LRRTM4: variants seen among roughly 807,000 people sequenced by gnomAD.
LRRTM4 encodes the protein leucine rich repeat transmembrane neuronal 4, also known as leucine-rich repeat transmembrane neuronal protein 4.
In LRRTM4, 25 loss-of-function variants were observed where a neutral mutation model predicts 47.6. That is an observed-to-expected ratio of 0.53 (90% confidence interval 0.38 to 0.73). The LOEUF is 0.73. LRRTM4 is among the 30% of genes least tolerant of loss of function. The probability of loss-of-function intolerance (pLI) is 0.00; values close to 1 mark genes in which losing one functional copy is unlikely to be tolerated. For missense variants in LRRTM4, 638 were observed against 713.4 expected, an observed-to-expected ratio of 0.89 and a Z score of 1.20; for synonymous variants, 311 against 269.5, an observed-to-expected ratio of 1.15 and a Z score of -1.51.
At chr2:76,806,309 C>T (rs934423048) in intron 3 of LRRTM4, among the ~76,000 whole-genome samples, 6 of 152,096 alleles carry the variant, frequency 3.9e-5, no homozygotes, top group Non-Finnish European at 5.9e-5. Context: ...CCGGCCCGTG[C>T]GGTGGCTCAC....
At position 77,175,172 on chromosome 2, in the gene LRRTM4, C is replaced by T. The variant is rs542201269; in HGVS notation, c.1551+343146G>A. 2.0e-5 allele frequency among the ~76,000 whole-genome samples: 3 copies of T among 151,054 alleles called. No homozygotes were observed. The South Asian group carries it at 6.3e-4, about 32-fold the overall frequency. Reference sequence around the variant, plus strand: ...GCAACCTCCACCTCCTGGGTTCAAGCGATTCTCATGCCTCAGCCTCCAGAA... The same window carrying T: ...GCAACCTCCACCTCCTGGGTTCAAGTGATTCTCATGCCTCAGCCTCCAGAA... On this transcript the variant is annotated intron_variant, in intron 3 of 3. Transcript: ENST00000409884.
At chr2:77,086,737 C>T (rs1031955435) in intron 3 of LRRTM4, among the ~76,000 whole-genome samples, 6 of 152,136 alleles carry the variant, frequency 3.9e-5, no homozygotes, top group South Asian at 2.1e-4. Flanking sequence ...TCAGGTAATC[C>T]GGCTGCCACA....
intron 3 of LRRTM4, among the ~76,000 whole-genome samples, chr2:77,368,340 A>G: frequency 6.6e-6 from 1 of 151,758 alleles, no homozygotes; most frequent in African/African-American, 2.4e-5. Context: ...CATATGTGAC[A>G]TAGCCCATTA....
chr2:77,088,566 A>G (rs1252082807), intron 3 of LRRTM4, among the ~76,000 whole-genome samples: 40 of 150,034 alleles, frequency 2.7e-4, no homozygotes, highest in South Asian at 1.1e-3. Context: ...CCCTATCTCC[A>G]TTCGCTGACT....
At chr2:77,395,339 A>C (rs1346129083) in intron 3 of LRRTM4, among the ~76,000 whole-genome samples, 2 of 151,922 alleles carry the variant, frequency 1.3e-5, no homozygotes, top group Non-Finnish European at 2.9e-5. Flanking sequence ...GTCTTACTTC[A>C]TGTGTATGAA....
At chr2:76,928,802 T>G (rs2103827463) in intron 3 of LRRTM4, among the ~76,000 whole-genome samples, 1 of 152,240 alleles carries the variant, frequency 6.6e-6, no homozygotes, top group South Asian at 2.1e-4. Context: ...CTTTATTGAT[T>G]TACACTGTGA....
intron 3 of LRRTM4, among the ~76,000 whole-genome samples, chr2:76,975,270 G>A (rs868188343): frequency 2.4e-4 from 37 of 151,680 alleles, no homozygotes; most frequent in African/African-American, 7.5e-4. Context: ...GAGAAACAGG[G>A]CATCTTACTT....
At chr2:76,781,628 G>A (rs1462158637) in intron 3 of LRRTM4, among the ~76,000 whole-genome samples, 1 of 152,164 alleles carries the variant, frequency 6.6e-6, no homozygotes. Flanking sequence ...CATGGTGCGC[G>A]CACCCACTGA....
chr2:76,894,804 C>G (rs1186522379), intron 3 of LRRTM4, among the ~76,000 whole-genome samples: 1 of 151,576 alleles, frequency 6.6e-6, no homozygotes, highest in Non-Finnish European at 1.5e-5. Flanking sequence ...TATAAATATA[C>G]AATTTCAATA....
chr2:77,097,013 G>C lies in LRRTM4; in HGVS notation c.1552-348097C>G, dbSNP rs151203877. ...TATAATGAACACAACAAAAGTGTAA[G>C]GTTATAGAACATTTGAAAGCAAAGG... is the stretch of plus-strand genomic sequence containing the variant. On this transcript the variant is annotated intron_variant, in intron 3 of 3. Coordinates refer to ENST00000409884, the MANE Select transcript of LRRTM4 (RefSeq NM_001134745.3). Among the ~76,000 whole-genome samples, 1,012 of 151,854 alleles carry C rather than the reference G, an allele frequency of 6.7e-3. 23 individuals are homozygous for C. The highest frequency in any genetic ancestry group is 0.046 in the Admixed American group (702 of 15,250).
At chr2:77,151,322 T>C (rs1672413408) in intron 3 of LRRTM4, among the ~76,000 whole-genome samples, 2 of 152,142 alleles carry the variant, frequency 1.3e-5, no homozygotes, top group South Asian at 4.1e-4. Context: ...TAACTCCCCA[T>C]TCCCCCACAA....
chr2:77,325,822 A>T (rs770894549), intron 3 of LRRTM4, among the ~76,000 whole-genome samples: 1 of 152,196 alleles, frequency 6.6e-6, no homozygotes, highest in Non-Finnish European at 1.5e-5. Context: ...AGGCAAAACC[A>T]TTATGGATCA....
At chr2:77,002,523 T>C (rs527411545) in intron 3 of LRRTM4, among the ~76,000 whole-genome samples, 1 of 152,274 alleles carries the variant, frequency 6.6e-6, no homozygotes, top group East Asian at 1.9e-4. Flanking sequence ...AACTATTTCC[T>C]TCTAATTGCT....
chr2:77,034,688 C>G (rs1035693644), intron 3 of LRRTM4, among the ~76,000 whole-genome samples: 3 of 151,850 alleles, frequency 2.0e-5, no homozygotes, highest in Non-Finnish European at 4.4e-5. Flanking sequence ...GGTTTGATCA[C>G]TTTGGTCGGG....
At chr2:77,176,536 T>C (rs927896338) in intron 3 of LRRTM4, among the ~76,000 whole-genome samples, 3 of 152,176 alleles carry the variant, frequency 2.0e-5, no homozygotes, top group Non-Finnish European at 4.4e-5. Flanking sequence ...CTTTTTTTCC[T>C]GACAATTCCT....
intron 3 of LRRTM4, among the ~76,000 whole-genome samples, chr2:76,967,289 T>C (rs1277598898): frequency 6.6e-6 from 1 of 151,526 alleles, no homozygotes; most frequent in Non-Finnish European, 1.5e-5. Context: ...AGAAATTGTA[T>C]TGAAATCGTT....
At chr2:77,266,873 A>G (rs1343559177) in intron 3 of LRRTM4, among the ~76,000 whole-genome samples, 2 of 152,212 alleles carry the variant, frequency 1.3e-5, no homozygotes. Flanking sequence ...TCTTCTCACA[A>G]CCTGCTCCTG....
intron 3 of LRRTM4, among the ~76,000 whole-genome samples, chr2:76,962,803 T>G (rs983862183): frequency 1.3e-5 from 2 of 150,856 alleles, no homozygotes; most frequent in Non-Finnish European, 3.0e-5. Context: ...TTCAACTCAT[T>G]AAGATACAGA....
chr2:76,939,173 A>G (rs1211935430), intron 3 of LRRTM4, among the ~76,000 whole-genome samples: 3 of 152,118 alleles, frequency 2.0e-5, no homozygotes, highest in Non-Finnish European at 4.4e-5. Context: ...TGGTGATTGT[A>G]TTTTTAGGTT....
Sources: allele counts gnomAD v4.1 joint callset (sites outside exome capture counted in the v4.1 genomes callset), GRCh38; gene constraint gnomAD v4.1.1; transcripts MANE v1.5; gene names NCBI Gene and HGNC (gene_info 2026-07-23, HGNC 2026-07-21).